CARMIL1: variants seen among roughly 807,000 people sequenced by gnomAD.
CARMIL1 encodes the protein F-actin-uncapping protein LRRC16A.
In CARMIL1, 90 loss-of-function variants were observed where a neutral mutation model predicts 177.1. The observed-to-expected ratio is 0.51, with a 90% CI of 0.43 to 0.61. The LOEUF is 0.61. Among genes scored for constraint, CARMIL1 ranks in the 20% least tolerant of loss-of-function variants. CARMIL1 has a pLI of 0.00. For synonymous variants in CARMIL1, 577 were observed against 606.2 expected, an observed-to-expected ratio of 0.95 and a Z score of 0.71; for missense variants, 1,380 against 1,667.0, an observed-to-expected ratio of 0.83 and a Z score of 3.00.
intron 2 of CARMIL1, among the ~76,000 whole-genome samples, chr6:25,357,535 G>C (rs1788755863): frequency 1.3e-5 from 2 of 152,188 alleles, no homozygotes; most frequent in South Asian, 4.1e-4. Context: ...AGTGAACCAA[G>C]ATTGTGCCAC....
At chr6:25,291,919 A>G (rs1272355049) in intron 2 of CARMIL1, among the ~76,000 whole-genome samples, 1 of 151,886 alleles carries the variant, frequency 6.6e-6, no homozygotes, top group Non-Finnish European at 1.5e-5. Flanking sequence ...GTAAATAGAG[A>G]CGGTAGGGGA....
chr6:25,392,958 G>T (rs989807317), intron 2 of CARMIL1, among the ~76,000 whole-genome samples: 2 of 151,472 alleles, frequency 1.3e-5, no homozygotes, highest in Non-Finnish European at 2.9e-5. Flanking sequence ...TCCATCCATT[G>T]AGTAATCTTT....
At chr6:25,280,376 T>A (rs1780984162) in intron 1 of CARMIL1, among the ~76,000 whole-genome samples, 1 of 152,074 alleles carries the variant, frequency 6.6e-6, no homozygotes, top group Non-Finnish European at 1.5e-5. Flanking sequence ...TCTGGTAAAA[T>A]GACTGGGCTT....
intron 5 of CARMIL1, among the ~76,000 whole-genome samples, chr6:25,446,745 C>T (rs74912938): frequency 1.3e-5 from 2 of 152,280 alleles, no homozygotes; most frequent in Non-Finnish European, 2.9e-5. Context: ...ATGTGCCTTT[C>T]TCACTAAGCT....
chr6:25,409,856 A>G (rs2150628889), intron 2 of CARMIL1, among the ~76,000 whole-genome samples: 1 of 152,176 alleles, frequency 6.6e-6, no homozygotes, highest in South Asian at 2.1e-4. Context: ...AGTCTGTCAT[A>G]TTAATATGCT....
chr6:25,504,514 T>C (rs1804727622), intron 17 of CARMIL1, among the ~76,000 whole-genome samples: 2 of 152,208 alleles, frequency 1.3e-5, no homozygotes, highest in Admixed American at 1.3e-4. Flanking sequence ...ATGGAGTTGC[T>C]TTCTTACAAT....
intron 2 of CARMIL1, among the ~76,000 whole-genome samples, chr6:25,317,433 C>T (rs142482461): frequency 2.7e-4 from 41 of 152,176 alleles, no homozygotes; most frequent in African/African-American, 9.6e-4. Flanking sequence ...AGCCACTGCA[C>T]CACCCTAAAT....
intron 32 of CARMIL1, 39 bp from the exon 33 acceptor site, chr6:25,600,275 A>G (rs1332654074): frequency 6.5e-7 from 1 of 1,536,138 alleles, no homozygotes; most frequent in South Asian, 1.3e-5. Flanking sequence ...ACTTATTTAC[A>G]GTAAAAACAA....
At chr6:25,323,782 T>C (rs79875981) in intron 2 of CARMIL1, among the ~76,000 whole-genome samples, 2,121 of 152,342 alleles carry the variant, frequency 0.014, 50 homozygotes, top group African/African-American at 0.043. Flanking sequence ...TTCATCATCT[T>C]CACATTCCCC....
In CARMIL1 at chr6:25,544,636, CA is replaced by C. The variant is rs1324027883; in HGVS notation, c.2328+4559del. The stretch of plus-strand genomic sequence containing the variant: ...ACACACACACACACACACACACACA[CA>C]CACACACACCCCAAACACTAAAGGA... On this transcript the variant is annotated intron_variant, in intron 26 of 36. Coordinates refer to ENST00000329474, the MANE Select transcript of CARMIL1 (RefSeq NM_017640.6). Among the ~76,000 whole-genome samples the C allele has an allele frequency of 5.8e-3, 883 of 151,236 alleles. 3 individuals are homozygous for C. Among genetic ancestry groups the C allele is most frequent in the African/African-American group, 0.017 (680 of 40,884 alleles).
intron 5 of CARMIL1, among the ~76,000 whole-genome samples, chr6:25,440,200 A>T (rs897140008): frequency 2.0e-5 from 3 of 152,224 alleles, no homozygotes; most frequent in African/African-American, 7.2e-5. Flanking sequence ...CCATGAACTC[A>T]TTAGCTGAGG....
chr6:25,563,774 T>G, intron 29 of CARMIL1: 3 of 985,430 alleles, frequency 3.0e-6, no homozygotes, highest in Non-Finnish European at 3.6e-6. Flanking sequence ...GCAAGGTAGT[T>G]TTGGTGGATC....
At chr6:25,593,253 A>G (rs896383059) in intron 31 of CARMIL1, among the ~76,000 whole-genome samples, 6 of 152,118 alleles carry the variant, frequency 3.9e-5, no homozygotes, top group Admixed American at 2.6e-4. Flanking sequence ...TCCAGATTAC[A>G]TTAAATTATT....
chr6:25,492,120 G>A, intron 15 of CARMIL1, 96 bp downstream of exon 15: 1 of 1,012,308 alleles, frequency 9.9e-7, no homozygotes, highest in Non-Finnish European at 1.5e-6. Context: ...GGTGAATGTT[G>A]TATATGAAAG....
chr6:25,577,384 C>T lies in CARMIL1; in HGVS notation c.2743-3540C>T, dbSNP rs1313254796. ...TTTCGGGCCCAGGGTTGTAGAAAATCGACATTATGATTTGCTTCTTATATT... is the reference window on the plus strand; with the variant it reads ...TTTCGGGCCCAGGGTTGTAGAAAATTGACATTATGATTTGCTTCTTATATT... On this transcript the variant is annotated intron_variant, in intron 29 of 36. Transcript: ENST00000329474. The surrounding 1 kb of genome is among the most constrained non-coding windows in gnomAD (Gnocchi z 4.5). 9.2e-5 allele frequency among the ~76,000 whole-genome samples: 14 copies of T among 151,810 alleles called. No homozygotes were observed. The highest frequency in any genetic ancestry group is 9.2e-4 in the Admixed American group (14 of 15,222).
intron 2 of CARMIL1, among the ~76,000 whole-genome samples, chr6:25,415,883 T>C (rs913628082): frequency 2.7e-5 from 4 of 149,580 alleles, no homozygotes; most frequent in African/African-American, 9.9e-5. Flanking sequence ...GAGGGCAGAA[T>C]GAAGGCAGGG....
chr6:25,366,674 G>GTT (rs909379260), intron 2 of CARMIL1, among the ~76,000 whole-genome samples: 4 of 151,034 alleles, frequency 2.6e-5, no homozygotes, highest in Admixed American at 2.0e-4. Context: ...GTAAATGAAA[G>GTT]TTTTCAAGAT....
chr6:25,302,186 C>T (rs1203350929), intron 2 of CARMIL1, among the ~76,000 whole-genome samples: 1 of 152,220 alleles, frequency 6.6e-6, no homozygotes, highest in Non-Finnish European at 1.5e-5. Flanking sequence ...CTGCTAGTCA[C>T]CTCTTCCTCC....
chr6:25,281,147 C>CACAA, intron 1 of CARMIL1, among the ~76,000 whole-genome samples: 1 of 137,074 alleles, frequency 7.3e-6, no homozygotes, highest in South Asian at 2.1e-4. Flanking sequence ...CACACACACA[C>CACAA]ACACACACAC....
Sources: allele counts gnomAD v4.1 joint callset (sites outside exome capture counted in the v4.1 genomes callset), GRCh38; gene constraint gnomAD v4.1.1; non-coding constraint Gnocchi (gnomAD v3.1); transcripts MANE v1.5; gene names NCBI Gene and HGNC (gene_info 2026-07-23, HGNC 2026-07-21).